Variants in MROH2A observed in about 807,000 individuals in gnomAD.
The protein encoded by MROH2A is maestro heat like repeat family member 2A, also known as maestro heat-like repeat-containing protein family member 2A.
MROH2A carries 174 observed loss-of-function variants against 200.4 expected under a neutral mutation model. That is an observed-to-expected ratio of 0.87 (90% CI 0.77 to 0.98). The LOEUF (loss-of-function observed/expected upper bound fraction) is 0.98. MROH2A is among the 50% of genes least tolerant of loss of function. MROH2A has a pLI of 0.00. For synonymous variants in MROH2A, 829 were observed against 840.4 expected, an observed-to-expected ratio of 0.99 and a Z score of 0.23; for missense variants, 2,045 against 2,139.6, an observed-to-expected ratio of 0.96 and a Z score of 0.87.
chr2:233,799,899 G>A lies in MROH2A; in HGVS notation c.1449G>A (p.Leu483=). 1 of 1,550,436 alleles carries A rather than the reference G, an allele frequency of 6.4e-7. No individual in the cohort carries two copies. The highest frequency in any genetic ancestry group is 8.7e-7 in the Non-Finnish European group (1 of 1,146,918). Reference sequence around the variant, plus strand: ...AGCTGACCTTATCCACCTACAAACTGGTGAGTGGCCCTGATACGCAGACCG... The same window carrying A: ...AGCTGACCTTATCCACCTACAAACTAGTGAGTGGCCCTGATACGCAGACCG... ...SVQLTLSTYK[L]TNRREKFYQR... The change falls in exon 13 of 42, where the codon CTG becomes CTA. Residue 483 remains leucine (L), a splice_region_variant and synonymous_variant. Transcript: ENST00000389758.
chr2:233,831,304 G>A, intron 38 of MROH2A, 105 bp from the exon 39 acceptor site: 1 of 1,381,002 alleles, frequency 7.2e-7, no homozygotes, highest in Non-Finnish European at 9.5e-7. Context: ...TCTTTGGCTT[G>A]GTGAGGCTTT....
At chr2:233,814,532 T>G in intron 25 of MROH2A, 50 bp from the exon 26 acceptor site, 1 of 1,373,312 alleles carries the variant, frequency 7.3e-7, no homozygotes, top group Non-Finnish European at 1.0e-6. Context: ...GGGAGGGGGG[T>G]TGTGGGTGCC....
chr2:233,791,747 C>T (rs1575922190), intron 5 of MROH2A, among the ~76,000 whole-genome samples: 2 of 152,046 alleles, frequency 1.3e-5, no homozygotes, highest in Admixed American at 6.6e-5. Context: ...TGCAGGCCCC[C>T]GTGATGCCCA....
intron 19 of MROH2A, among the ~76,000 whole-genome samples, chr2:233,805,542 A>T (rs1575962565): frequency 6.6e-6 from 1 of 152,192 alleles, no homozygotes; most frequent in African/African-American, 2.4e-5. Context: ...CTTTTTTTTG[A>T]TCCTAAAATT....
At chr2:233,802,710 C>T (rs1702547264) in intron 15 of MROH2A, among the ~76,000 whole-genome samples, 1 of 152,166 alleles carries the variant, frequency 6.6e-6, no homozygotes. Context: ...TCACTGTGGT[C>T]CACTCAGAGT....
At chr2:233,809,379 T>C (rs1357086805) in intron 22 of MROH2A, 101 bp downstream of exon 22, 14 of 1,308,484 alleles carry the variant, frequency 1.1e-5, no homozygotes, top group East Asian at 2.6e-5. Flanking sequence ...CCAGGGGACA[T>C]CCAGGCATCT....
chr2:233,801,453 A>T (rs1575951472), intron 14 of MROH2A, among the ~76,000 whole-genome samples: 1 of 152,328 alleles, frequency 6.6e-6, no homozygotes, highest in South Asian at 2.1e-4. Flanking sequence ...AGAGAAACAG[A>T]ACCAGTAGAA....
At chr2:233,819,578 C>T in intron 30 of MROH2A, 109 bp downstream of exon 30, 3 of 1,181,732 alleles carry the variant, frequency 2.5e-6, no homozygotes, top group South Asian at 1.5e-5. Flanking sequence ...GAATGCCTCC[C>T]CCAACCCCTG....
chr2:233,782,555 T>C (rs747982186), intron 3 of MROH2A, among the ~76,000 whole-genome samples: 4 of 152,256 alleles, frequency 2.6e-5, no homozygotes, highest in South Asian at 4.1e-4. Context: ...GATTTTTGTA[T>C]GTTAATTTTG....
At chr2:233,800,700 C>T (rs1234760361) in intron 14 of MROH2A, among the ~76,000 whole-genome samples, 1 of 151,908 alleles carries the variant, frequency 6.6e-6, no homozygotes, top group East Asian at 1.9e-4. Context: ...ATTTTGTAAA[C>T]ATTCATTGAG....
rs1354483006 is a variant in MROH2A, at chr2:233,830,608, AGGTGG to A, written c.4603-799_4603-795del. Among the ~76,000 whole-genome samples, 14 of 64,286 alleles carry A rather than the reference AGGTGG, an allele frequency of 2.2e-4. No individual in the cohort carries two copies. The East Asian group carries it at 5.6e-3, about 26-fold the overall frequency. 42.2% of individuals were successfully genotyped at this position (64,286 alleles called of 152,430 possible). A position where few individuals can be genotyped will look rare whatever the true frequency, so the allele number is the denominator to read the frequency against. ...GTGGCCCAGATGGCCTGGGTGGCCC[AGGTGG>A]GATGGCCCAGGTGGCCCAGGTGGGA... On this transcript the variant is annotated intron_variant, in intron 38 of 41. Coordinates refer to ENST00000389758, the MANE Select transcript of MROH2A (RefSeq NM_001394639.1).
At chr2:233,790,656 TC>T (rs555789933) in intron 5 of MROH2A, among the ~76,000 whole-genome samples, 19 of 640 alleles carry the variant, frequency 0.03, 7 homozygotes, top group Non-Finnish European at 0.039. Flanking sequence ...TCCCCTCCCC[TC>T]CCCTCCCTCC....
At position 233,813,271 on chromosome 2, in the gene MROH2A, A is replaced by AGCTGCTGCT. The variant is rs895511669; in HGVS notation, c.2652-385_2652-377dup. Among the ~76,000 whole-genome samples, 35 of 152,022 alleles carry AGCTGCTGCT rather than the reference A, an allele frequency of 2.3e-4. No homozygotes were observed. The East Asian group carries it at 6.6e-3, about 29-fold the overall frequency. On this transcript the variant is annotated intron_variant, in intron 24 of 41. Coordinates refer to ENST00000389758, the MANE Select transcript of MROH2A (RefSeq NM_001394639.1). ...GTGTTTCTCATAAATTCCAAGGTGAAGCTGCTGCTGCTGCTGCTGCTGGTG... is the reference window on the plus strand; with the variant it reads ...GTGTTTCTCATAAATTCCAAGGTGAAGCTGCTGCTGCTGCTGCTGCTGCTGCTGCTGGTG...
chr2:233,803,746 A>G (rs777189442), intron 16 of MROH2A, among the ~76,000 whole-genome samples: 3 of 152,052 alleles, frequency 2.0e-5, no homozygotes, highest in Admixed American at 6.5e-5. Context: ...TCCCCACTAC[A>G]CTGCCAATGC....
chr2:233,802,408 T>A (rs1702531075), intron 15 of MROH2A, 93 bp downstream of exon 15: 5 of 1,366,812 alleles, frequency 3.7e-6, no homozygotes, highest in Non-Finnish European at 9.8e-7. Flanking sequence ...CCTCCCACCC[T>A]CATTCCCCCT....
At position 233,813,769 on chromosome 2, in the gene MROH2A, G is replaced by A; in HGVS notation, c.2751G>A (p.Glu917=). 1 of 1,537,078 alleles carries A rather than the reference G, an allele frequency of 6.5e-7. No homozygotes were observed. Among genetic ancestry groups the A allele is most frequent in the Middle Eastern group, 1.7e-4 (1 of 5,796 alleles). Residue 917 remains glutamate (E), a synonymous_variant, in exon 25 of 42, where the codon GAG becomes GAA. Transcript: ENST00000389758. Reference sequence around the variant, plus strand: ...TCCAACTCCCAGGAGAGGACAATGAGTCCATTAAGGTAGGTCCCTCTGGGA... The same window carrying A: ...TCCAACTCCCAGGAGAGGACAATGAATCCATTAAGGTAGGTCCCTCTGGGA... ...ISLQLPGEDN[E]SIKTLYANAL...
intron 24 of MROH2A, among the ~76,000 whole-genome samples, chr2:233,812,197 G>C (rs2126148828): frequency 6.6e-6 from 1 of 152,302 alleles, no homozygotes; most frequent in Non-Finnish European, 1.5e-5. Context: ...TGGATTTATG[G>C]CACATGGGTG....
At chr2:233,798,886 A>C in intron 12 of MROH2A, 36 bp downstream of exon 12, 1 of 1,511,628 alleles carries the variant, frequency 6.6e-7, no homozygotes, top group African/African-American at 1.4e-5. Context: ...GGGGGCACTC[A>C]GGGGACCCTG....
chr2:233,832,167 C>A lies in MROH2A; in HGVS notation c.4735-10C>A. ...CCTCCAAAGCTGTGTGTATCACTTA[C>A]TTTTTGCAGACTCGGAAAAAGCCGG... is the stretch of plus-strand genomic sequence containing the variant. On this transcript the variant is annotated splice_polypyrimidine_tract_variant and intron_variant, in intron 39 of 41. Transcript: ENST00000389758. 2 of 1,549,894 alleles carry A rather than the reference C, an allele frequency of 1.3e-6. No homozygotes were observed. The highest frequency in any genetic ancestry group is 1.7e-6 in the Non-Finnish European group (2 of 1,146,432).
Sources: allele counts gnomAD v4.1 joint callset (sites outside exome capture counted in the v4.1 genomes callset), GRCh38; gene constraint gnomAD v4.1.1; transcripts MANE v1.5; gene names NCBI Gene and HGNC (gene_info 2026-07-23, HGNC 2026-07-21).